Variants in LINGO4 observed in about 807,000 individuals in gnomAD.
The protein encoded by LINGO4 is leucine-rich repeat and immunoglobulin-like domain-containing nogo receptor-interacting protein 4.
Under a neutral mutation model 27.9 loss-of-function variants are expected in LINGO4, and 22 were observed. The ratio of observed to expected loss-of-function variants is 0.79; its 90% CI spans 0.56 to 1.13. The LOEUF (loss-of-function observed/expected upper bound fraction) is 1.13, where lower values mean the gene tolerates loss of function less well. Ranked by LOEUF, LINGO4 falls within the 50% of genes most tolerant of loss-of-function variation. LINGO4 has a pLI of 0.00. For missense variants in LINGO4, 706 were observed against 739.4 expected (o/e 0.95, Z 0.52); for synonymous variants, 306 against 325.8 (o/e 0.94, Z 0.65).
rs764875590 is a variant in LINGO4 at position 151,801,585 on chromosome 1, G to A, written c.1120C>T (p.Arg374Cys). Reference protein sequence around the residue: ...CRLLWLLRLRRHLDFGMSPPA... With the variant: ...CRLLWLLRLRCHLDFGMSPPA... ...GGGGACATGCCAAAGTCCAGGTGGC[G>A]GCGGAGCCGGAGCAGCCAGAGGAGG... Residue 374 changes from arginine to cysteine, a missense_variant, in exon 2 of 2, where the codon CGC becomes TGC. Physicochemically the swap from Arg to Cys is radical, Grantham distance 180. Transcript: ENST00000368820. This position sits in a 1 kb window ranked among gnomAD's most constrained non-coding sequence, Gnocchi z 5.7. 22 of 1,613,598 alleles carry A rather than the reference G, an allele frequency of 1.4e-5. No homozygotes were observed. Among genetic ancestry groups the A allele is most frequent in the Admixed American group, 1.3e-4 (8 of 60,012 alleles).
Position 151,800,982 on chromosome 1 carries a change from G to A in LINGO4, c.1723C>T (p.Pro575Ser). 2 of 1,614,014 alleles carry A rather than the reference G, an allele frequency of 1.2e-6. No homozygotes were observed. The highest frequency in any genetic ancestry group is 1.7e-6 in the Non-Finnish European group (2 of 1,179,924). The change falls in exon 2 of 2, where the codon CCT becomes TCT. Residue 575 changes from proline to serine, a missense_variant. By Grantham distance (74) the Pro-to-Ser change is moderately conservative. Coordinates refer to ENST00000368820, the MANE Select transcript of LINGO4 (RefSeq NM_001004432.4). ...GAGTTTTTATCCCCAGAGGGCCGAG[G>A]TGCCACAAAGTCAAAGGTCATGTGA... ...KHHMTFDFVA[P>S]RPSGDKNSGG...
chr1:151,800,774 A>G lies in LINGO4; in HGVS notation c.*149T>C, dbSNP rs2101643099. ...CTCAGACCGGAAAAGCTCAGGAAGC[A>G]GACTCTCCGGCAGGAGGCACAACGC... On this transcript the variant is annotated 3_prime_UTR_variant, in exon 2 of 2. Transcript: ENST00000368820. The G allele has an allele frequency of 4.4e-6, 3 of 688,394 alleles. No individual in the cohort carries two copies. The highest frequency in any genetic ancestry group is 5.5e-5 in the East Asian group (2 of 36,594). 42.6% of individuals were successfully genotyped at this position (688,394 alleles called of 1,614,324 possible). A position where few individuals can be genotyped will look rare whatever the true frequency, so the allele number is the denominator to read the frequency against.
Position 151,801,032 on chromosome 1 carries a change from C to G in LINGO4, c.1673G>C (p.Ser558Thr), listed in dbSNP as rs1651128460. 2 of 1,614,062 alleles carry G rather than the reference C, an allele frequency of 1.2e-6. No individual in the cohort carries two copies. The highest frequency in any genetic ancestry group is 2.7e-5 in the African/African-American group (2 of 74,922). The change falls in exon 2 of 2, where the codon AGC (serine) becomes ACC (threonine). Residue 558 changes from serine to threonine, a missense_variant. Physicochemically the swap from Ser to Thr is moderately conservative, Grantham distance 58. Coordinates refer to ENST00000368820, the MANE Select transcript of LINGO4 (RefSeq NM_001004432.4). The surrounding 1 kb of genome is among the most constrained non-coding windows in gnomAD (Gnocchi z 5.7). Reference protein sequence around the residue: ...TLCFGLIALWSKGKGRVKHHM... With the variant: ...TLCFGLIALWTKGKGRVKHHM... The stretch of plus-strand genomic sequence containing the variant: ...ATGTTTGACCCGACCTTTGCCCTTG[C>G]TCCAAAGGGCAATCAGGCCAAAGCA...
chr1:151,802,206 G>C lies in LINGO4; in HGVS notation c.499C>G (p.His167Asp), dbSNP rs1651169238. 6.2e-7 allele frequency: 1 copy of C among 1,614,056 alleles called. No homozygotes were observed. The highest frequency in any genetic ancestry group is 8.5e-7 in the Non-Finnish European group (1 of 1,180,040). The change falls in exon 2 of 2, where the codon CAC (histidine) becomes GAC (aspartate). Residue 167 changes from histidine to aspartate, a missense_variant. His to Asp is a moderately conservative substitution (Grantham distance 81). Transcript: ENST00000368820. ...SLQKLEVGDN[H>D]LVFVAPGAFA... ...GCCCCCGGAGCCACAAATACCAGGT[G>C]GTTGTCCCCAACCTCCAGCTTCTGG... is the stretch of plus-strand genomic sequence containing the variant.
Position 151,800,724 on chromosome 1 carries a change from T to G in LINGO4, c.*199A>C, listed in dbSNP as rs555740180. On this transcript the variant is annotated 3_prime_UTR_variant, in exon 2 of 2. Coordinates refer to ENST00000368820, the MANE Select transcript of LINGO4 (RefSeq NM_001004432.4). The stretch of plus-strand genomic sequence containing the variant: ...CTGCATCTGCAGCTCCCTGGGACCC[T>G]CAGAGAAGAAATGACAATGCTATCC... 3.9e-5 allele frequency: 22 copies of G among 569,790 alleles called. No individual in the cohort carries two copies. The African/African-American group carries it at 3.9e-4, about 10-fold the overall frequency. 35.3% of individuals were successfully genotyped at this position (569,790 alleles called of 1,614,324 possible).
chr1:151,803,738 A>G (rs6587619), intron 1 of LINGO4, among the ~76,000 whole-genome samples: 79,418 of 152,070 alleles, frequency 0.52, 21,285 homozygotes, highest in East Asian at 0.8. Context: ...GTGCTGTAGG[A>G]TGGGGAGGAA....
rs530273098 is a variant in LINGO4, at chr1:151,802,724, T to C, written c.-13-7A>G. 92 of 1,468,204 alleles carry C rather than the reference T, an allele frequency of 6.3e-5. No homozygotes were observed. Among genetic ancestry groups the C allele is most frequent in the South Asian group, 4.6e-4 (32 of 70,060 alleles). The allele number at this position is 1,468,204 out of a possible 1,614,324, so 90.9% of individuals were successfully genotyped here. A position where few individuals can be genotyped will look rare whatever the true frequency, so the allele number is the denominator to read the frequency against. The stretch of plus-strand genomic sequence containing the variant: ...ATCCATTCCCTCTTCAGTCCTGGAA[T>C]AGATGATGACATGGCCCTTTTTGGA... On this transcript the variant is annotated splice_polypyrimidine_tract_variant and splice_region_variant and intron_variant, in intron 1 of 1. Coordinates refer to ENST00000368820, the MANE Select transcript of LINGO4 (RefSeq NM_001004432.4).
Position 151,800,944 on chromosome 1 carries a change from C to T in LINGO4, c.1761G>A (p.Arg587=). Residue 587 remains arginine (R), a synonymous_variant, in exon 2 of 2, where the codon CGG becomes CGA. Coordinates refer to ENST00000368820, the MANE Select transcript of LINGO4 (RefSeq NM_001004432.4). ...AAGGTCAGAAGAGCTTGGCAGTGAC[C>T]CGGTTACCCCCAGAGTTTTTATCCC... is the stretch of plus-strand genomic sequence containing the variant. ...PSGDKNSGGN[R]VTAKLF is the part of the protein sequence containing the mutation. 2 of 1,608,992 alleles carry T rather than the reference C, an allele frequency of 1.2e-6. No homozygotes were observed. The highest frequency in any genetic ancestry group is 1.7e-4 in the Middle Eastern group (1 of 6,030).
At position 151,802,653 on chromosome 1, in the gene LINGO4, G is replaced by T; in HGVS notation, c.52C>A (p.Leu18Ile). ...KQAWPPWPPL[L>I]FLLLLPGGSG... ...CCTCCAGGTAGGAGGAGGAGGAAAA[G>T]GAGCGGGGGCCATGGGGGCCAGGCT... The change falls in exon 2 of 2, where the codon CTT (leucine) becomes ATT (isoleucine). Residue 18 changes from leucine (L) to isoleucine (I), a missense_variant. Coordinates refer to ENST00000368820, the MANE Select transcript of LINGO4 (RefSeq NM_001004432.4). 1 of 1,560,084 alleles carries T rather than the reference G, an allele frequency of 6.4e-7. No individual in the cohort carries two copies.
Position 151,801,925 on chromosome 1 carries a change from A to G in LINGO4, c.780T>C (p.Thr260=). 6.2e-7 allele frequency: 1 copy of G among 1,614,204 alleles called. No individual in the cohort carries two copies. The highest frequency in any genetic ancestry group is 8.5e-7 in the Non-Finnish European group (1 of 1,180,032). ...VGLNLSSLAI[T]RCNLSSVPFQ... ...AGGGCACCGAGCTCAGATTGCAGCG[A>G]GTGATGGCCAGGCTGCTGAGATTGA... Residue 260 remains threonine, a synonymous_variant, in exon 2 of 2, where the codon ACT becomes ACC. Transcript: ENST00000368820. The surrounding 1 kb of genome is among the most constrained non-coding windows in gnomAD (Gnocchi z 5.7).
rs991764310 is a variant in LINGO4, at chr1:151,802,183, C to A, written c.522G>T (p.Gly174=). 1 of 1,614,090 alleles carries A rather than the reference C, an allele frequency of 6.2e-7. No individual in the cohort carries two copies. ...GDNHLVFVAP[G]AFAGLAKLST... ...TCAACTTGGCTAGCCCTGCAAAGGC[C>A]CCCGGAGCCACAAATACCAGGTGGT... Residue 174 remains glycine (G), a synonymous_variant, in exon 2 of 2, where the codon GGG becomes GGT. Coordinates refer to ENST00000368820, the MANE Select transcript of LINGO4 (RefSeq NM_001004432.4).
At chr1:151,804,572 T>TC (rs1651234827) in intron 1 of LINGO4, among the ~76,000 whole-genome samples, 1 of 152,236 alleles carries the variant, frequency 6.6e-6, no homozygotes, top group African/African-American at 2.4e-5. Flanking sequence ...CCAGCTTTCT[T>TC]CCTTCCTGCT....
chr1:151,802,356 C>T lies in LINGO4; in HGVS notation c.349G>A (p.Gly117Ser). The change falls in exon 2 of 2, where the codon GGC becomes AGC. Residue 117 changes from glycine (G) to serine (S), a missense_variant. By Grantham distance (56) the Gly-to-Ser change is moderately conservative. Coordinates refer to ENST00000368820, the MANE Select transcript of LINGO4 (RefSeq NM_001004432.4). ...LQSLLTLRLQ[G>S]NRLRIMGPGV... ...GGCCCCATGATTCTGAGCCGATTGC[C>T]CTGCAGCCTCAGGGTGAGTAGGCTT... 6.2e-7 allele frequency: 1 copy of T among 1,614,198 alleles called. No homozygotes were observed. The highest frequency in any genetic ancestry group is 8.5e-7 in the Non-Finnish European group (1 of 1,180,036).
At position 151,800,896 on chromosome 1, in the gene LINGO4, G is replaced by A. The variant is rs1237294612; in HGVS notation, c.*27C>T. 6.4e-7 allele frequency: 1 copy of A among 1,564,112 alleles called. No individual in the cohort carries two copies. On this transcript the variant is annotated 3_prime_UTR_variant, in exon 2 of 2. Transcript: ENST00000368820. ...CCCTTTGGTATCTGAAGCGGACTTG[G>A]TGGGTTCCCCACTGGGGAAGGAAAG...
In LINGO4 at chr1:151,802,316, C is replaced by T. The variant is rs755831095; in HGVS notation, c.389G>A (p.Gly130Asp). ...LRIMGPGVFSGLSALTLLDLR... is the reference protein window; with the variant it reads ...LRIMGPGVFSDLSALTLLDLR... ...GTCCAGCAGGGTCAGAGCAGAGAGG[C>T]CTGAGAAGACCCCAGGCCCCATGAT... Residue 130 changes from glycine (G) to aspartate (D), a missense_variant, in exon 2 of 2, where the codon GGC (glycine) becomes GAC (aspartate). Transcript: ENST00000368820. The T allele has an allele frequency of 6.2e-7, 1 of 1,614,180 alleles. No individual in the cohort carries two copies. The highest frequency in any genetic ancestry group is 1.3e-5 in the African/African-American group (1 of 75,024).
At position 151,801,570 on chromosome 1, in the gene LINGO4, CA is replaced by C; in HGVS notation, c.1134del (p.Phe378LeufsTer19). The C allele has an allele frequency of 6.2e-7, 1 of 1,613,756 alleles. No homozygotes were observed. Among genetic ancestry groups the C allele is most frequent in the Non-Finnish European group, 8.5e-7 (1 of 1,180,010 alleles). ...WLLRLRRHLD[F>X]GMSPPACAGP... ...CCAGCACAGGCAGGGGGGGACATGCCAAAGTCCAGGTGGCGGCGGAGCCGGA... is the reference window on the plus strand; with the variant it reads ...CCAGCACAGGCAGGGGGGGACATGCCAAGTCCAGGTGGCGGCGGAGCCGGA... On this transcript the variant is annotated frameshift_variant, in exon 2 of 2. Coordinates refer to ENST00000368820, the MANE Select transcript of LINGO4 (RefSeq NM_001004432.4). LOFTEE classifies it high-confidence loss of function. This position sits in a 1 kb window ranked among gnomAD's most constrained non-coding sequence, Gnocchi z 5.7.
In LINGO4 at chr1:151,801,545, C is replaced by A; in HGVS notation, c.1160G>T (p.Gly387Val). ...DFGMSPPACA[G>V]PHHVQGKSLK... ...GCTCTTCCCCTGGACATGATGGGGG[C>A]CAGCACAGGCAGGGGGGGACATGCC... The change falls in exon 2 of 2, where the codon GGC (glycine) becomes GTC (valine). Residue 387 changes from glycine to valine, a missense_variant. Gly to Val is a moderately radical substitution (Grantham distance 109). Coordinates refer to ENST00000368820, the MANE Select transcript of LINGO4 (RefSeq NM_001004432.4). The surrounding 1 kb of genome is among the most constrained non-coding windows in gnomAD (Gnocchi z 5.7). 6.2e-7 allele frequency: 1 copy of A among 1,613,784 alleles called. No homozygotes were observed. Among genetic ancestry groups the A allele is most frequent in the Non-Finnish European group, 8.5e-7 (1 of 1,179,980 alleles).
chr1:151,801,558 G>T lies in LINGO4; in HGVS notation c.1147C>A (p.Pro383Thr), dbSNP rs181187833. ...RRHLDFGMSP[P>T]ACAGPHHVQG... The stretch of plus-strand genomic sequence containing the variant: ...ACATGATGGGGGCCAGCACAGGCAG[G>T]GGGGGACATGCCAAAGTCCAGGTGG... The change falls in exon 2 of 2, where the codon CCT (proline) becomes ACT (threonine). Residue 383 changes from proline (P) to threonine (T), a missense_variant. By Grantham distance (38) the Pro-to-Thr change is conservative. Transcript: ENST00000368820. This position sits in a 1 kb window ranked among gnomAD's most constrained non-coding sequence, Gnocchi z 5.7. 4.0e-5 allele frequency: 65 copies of T among 1,613,634 alleles called. No homozygotes were observed. The highest frequency in any genetic ancestry group is 3.5e-4 in the Admixed American group (21 of 60,012).
In LINGO4 at chr1:151,800,855, C is replaced by A. The variant is rs1265404224; in HGVS notation, c.*68G>T. The A allele has an allele frequency of 2.1e-6, 3 of 1,446,988 alleles. No individual in the cohort carries two copies. Among genetic ancestry groups the A allele is most frequent in the Non-Finnish European group, 2.8e-6 (3 of 1,061,768 alleles). The allele number at this position is 1,446,988 out of a possible 1,614,324, so 89.6% of individuals were successfully genotyped here. ...CGGGACTAGGTTCTGGTTCAAGCAG[C>A]CTTGGTTCTGTCTTCCCCTTTGGTA... On this transcript the variant is annotated 3_prime_UTR_variant, in exon 2 of 2. Coordinates refer to ENST00000368820, the MANE Select transcript of LINGO4 (RefSeq NM_001004432.4).
Sources: allele counts gnomAD v4.1 joint callset (sites outside exome capture counted in the v4.1 genomes callset), GRCh38; gene constraint gnomAD v4.1.1; non-coding constraint Gnocchi (gnomAD v3.1); transcripts MANE v1.5; gene names NCBI Gene and HGNC (gene_info 2026-07-23, HGNC 2026-07-21).